UBE2K: variants seen among roughly 807,000 people sequenced by gnomAD.
UBE2K encodes the protein ubiquitin-conjugating enzyme E2 K.
UBE2K carries 6 observed loss-of-function variants against 30.0 expected under a neutral mutation model. That is an observed-to-expected ratio of 0.20 (90% CI 0.11 to 0.39). The LOEUF (loss-of-function observed/expected upper bound fraction) is 0.39, where lower values mean the gene tolerates loss of function less well. Among genes scored for constraint, UBE2K ranks in the 10% least tolerant of loss-of-function variants. The pLI, the probability that UBE2K is intolerant of heterozygous loss-of-function variation, is 1.00. For missense variants in UBE2K, 61 were observed against 241.6 expected (o/e 0.25, Z 4.96); for synonymous variants, 86 against 83.7 (o/e 1.03, Z -0.15).
intron 3 of UBE2K, among the ~76,000 whole-genome samples, chr4:39,752,423 G>A (rs1258292581): frequency 4.4e-5 from 6 of 136,234 alleles, no homozygotes; most frequent in Admixed American, 2.5e-4. Flanking sequence ...TGCAAGCTCC[G>A]CTTCCCAGGT....
chr4:39,704,895 G>A (rs956451287), intron 1 of UBE2K, among the ~76,000 whole-genome samples: 2 of 135,822 alleles, frequency 1.5e-5, no homozygotes, highest in African/African-American at 6.1e-5. Flanking sequence ...TTTTTTAGAC[G>A]GAGTCTCCCT....
chr4:39,728,113 G>A (rs1370516562), intron 1 of UBE2K, among the ~76,000 whole-genome samples: 3 of 151,338 alleles, frequency 2.0e-5, no homozygotes, highest in Non-Finnish European at 2.9e-5. Context: ...CAGCCTGGGC[G>A]ACAGAGCAAG....
At chr4:39,707,224 T>G (rs925832527) in intron 1 of UBE2K, among the ~76,000 whole-genome samples, 1 of 151,634 alleles carries the variant, frequency 6.6e-6, no homozygotes, top group Non-Finnish European at 1.5e-5. Context: ...TTTGTTTTGT[T>G]TTGTTTGAGA....
intron 1 of UBE2K, among the ~76,000 whole-genome samples, chr4:39,704,014 T>G (rs973693839): frequency 1.9e-4 from 29 of 152,234 alleles, no homozygotes; most frequent in African/African-American, 7.0e-4. Context: ...AGTGTTTTTC[T>G]TTTAAAATTT....
chr4:39,734,344 G>A (rs978521334), intron 1 of UBE2K, among the ~76,000 whole-genome samples: 7 of 151,860 alleles, frequency 4.6e-5, no homozygotes, highest in Admixed American at 4.6e-4. Context: ...CAAACTGTTG[G>A]GATTACAGGC....
rs1307274526 is a variant in UBE2K, at chr4:39,780,729, T to G, written c.*2295T>G. 1.3e-5 allele frequency: 2 copies of G among 152,122 alleles called. No individual in the cohort carries two copies. The highest frequency in any genetic ancestry group is 2.9e-5 in the Non-Finnish European group (2 of 67,970). 9.4% of individuals were successfully genotyped at this position (152,122 alleles called of 1,614,324 possible). A position where few individuals can be genotyped will look rare whatever the true frequency, so the allele number is the denominator to read the frequency against. ...TATATTTCCCACTGTACTGTTTGGT[T>G]TTTGTTATTCTCTTGTCTGTGGGTA... is the stretch of plus-strand genomic sequence containing the variant. On this transcript the variant is annotated 3_prime_UTR_variant, in exon 7 of 7. Transcript: ENST00000261427.
At position 39,769,732 on chromosome 4, in the gene UBE2K, C is replaced by T. The variant is rs543745584; in HGVS notation, c.300-5102C>T. ...ATGTCAGAACCTTCCCCTGGGCAGGCTTAGCCAGGAATAAAACATTTTTGT... is the reference window on the plus strand; with the variant it reads ...ATGTCAGAACCTTCCCCTGGGCAGGTTTAGCCAGGAATAAAACATTTTTGT... On this transcript the variant is annotated intron_variant, in intron 4 of 6. Transcript: ENST00000261427. Among the ~76,000 whole-genome samples the T allele has an allele frequency of 2.7e-4, 39 of 141,826 alleles. 1 individual carries two copies. Among genetic ancestry groups the T allele is most frequent in the African/African-American group, 1.0e-3 (39 of 38,362 alleles). 93.0% of individuals were successfully genotyped at this position (141,826 alleles called of 152,430 possible). A position where few individuals can be genotyped will look rare whatever the true frequency, so the allele number is the denominator to read the frequency against.
chr4:39,700,677 A>G (rs1367149036), intron 1 of UBE2K, among the ~76,000 whole-genome samples: 2 of 152,158 alleles, frequency 1.3e-5, no homozygotes, highest in Non-Finnish European at 2.9e-5. Context: ...ATGTTTCATC[A>G]TGTCACTTTT....
chr4:39,768,771 C>T (rs1447898003), intron 4 of UBE2K, among the ~76,000 whole-genome samples: 2 of 152,128 alleles, frequency 1.3e-5, no homozygotes, highest in Non-Finnish European at 2.9e-5. Flanking sequence ...CGAGGGTTTC[C>T]TTTCCTTTAC....
intron 1 of UBE2K, among the ~76,000 whole-genome samples, chr4:39,703,844 C>CAA (rs33995934): frequency 0.1 from 10,890 of 104,980 alleles, 725 homozygotes; most frequent in East Asian, 0.16. Flanking sequence ...GACTCCATCT[C>CAA]AAAAAAAAAA....
chr4:39,760,678 A>T (rs943752201), intron 4 of UBE2K, among the ~76,000 whole-genome samples: 5 of 152,302 alleles, frequency 3.3e-5, no homozygotes, highest in Non-Finnish European at 7.4e-5. Context: ...CGGGCGGATC[A>T]TGAGGTCAGG....
intron 1 of UBE2K, among the ~76,000 whole-genome samples, chr4:39,737,195 G>T (rs1720426130): frequency 1.3e-5 from 2 of 152,138 alleles, no homozygotes; most frequent in Non-Finnish European, 2.9e-5. Flanking sequence ...TTGTATTGTT[G>T]TTCATAGTGG....
chr4:39,711,163 C>CTTTTTTTTT (rs34401637), intron 1 of UBE2K, among the ~76,000 whole-genome samples: 2 of 122,110 alleles, frequency 1.6e-5, no homozygotes, highest in African/African-American at 3.1e-5. Flanking sequence ...AACTTTTTCT[C>CTTTTTTTTT]TTTTTTTTTT....
intron 1 of UBE2K, among the ~76,000 whole-genome samples, chr4:39,711,673 AT>A (rs1056071571): frequency 1.1e-4 from 17 of 151,948 alleles, no homozygotes; most frequent in African/African-American, 4.1e-4. Context: ...ACCTGAGCGT[AT>A]TTTCAGCTTC....
At chr4:39,770,092 G>A in intron 4 of UBE2K, 1 of 1,560,786 alleles carries the variant, frequency 6.4e-7, no homozygotes, top group South Asian at 1.2e-5. Flanking sequence ...TAGCGGATGA[G>A]GACATTAATC....
At chr4:39,711,900 G>T (rs962149435) in intron 1 of UBE2K, among the ~76,000 whole-genome samples, 14 of 151,582 alleles carry the variant, frequency 9.2e-5, no homozygotes, top group African/African-American at 3.1e-4. Flanking sequence ...AATTAGCCAG[G>T]CATGGTGGTG....
intron 1 of UBE2K, among the ~76,000 whole-genome samples, chr4:39,729,584 C>T (rs1719958799): frequency 6.6e-6 from 1 of 152,150 alleles, no homozygotes; most frequent in South Asian, 2.1e-4. Flanking sequence ...ATTGGCATCT[C>T]TCACTGGTTT....
chr4:39,740,301 A>G (rs1720622960), intron 2 of UBE2K, among the ~76,000 whole-genome samples: 1 of 152,226 alleles, frequency 6.6e-6, no homozygotes, highest in Non-Finnish European at 1.5e-5. Context: ...TCCTGAGCTA[A>G]ATTAGATAGA....
chr4:39,719,656 CT>C (rs1392142088), intron 1 of UBE2K, among the ~76,000 whole-genome samples: 2 of 152,132 alleles, frequency 1.3e-5, no homozygotes, highest in African/African-American at 2.4e-5. Flanking sequence ...GGGTGTCTTG[CT>C]TTTAGGTTTC....
Sources: allele counts gnomAD v4.1 joint callset (sites outside exome capture counted in the v4.1 genomes callset), GRCh38; gene constraint gnomAD v4.1.1; transcripts MANE v1.5; gene names NCBI Gene and HGNC (gene_info 2026-07-23, HGNC 2026-07-21).